The following PLPPR1 variants were observed in gnomAD, a reference collection of about 807,000 sequenced individuals.
PLPPR1 encodes the protein phospholipid phosphatase-related protein type 1.
A neutral mutation model predicts 33.1 loss-of-function variants in PLPPR1; 10 were observed. That is an observed-to-expected ratio of 0.30 (90% confidence interval 0.19 to 0.51). The LOEUF (loss-of-function observed/expected upper bound fraction) is 0.51, where lower values mean the gene tolerates loss of function less well. Among genes scored for constraint, PLPPR1 ranks in the 20% least tolerant of loss-of-function variants. The pLI is 0.97. For synonymous variants in PLPPR1, 151 were observed against 151.0 expected, an observed-to-expected ratio of 1.00 and a Z score of 0.00; for missense variants, 304 against 408.1, an observed-to-expected ratio of 0.74 and a Z score of 2.20.
intron 1 of PLPPR1, among the ~76,000 whole-genome samples, chr9:101,057,873 A>G (rs1830296515): frequency 6.6e-6 from 1 of 152,186 alleles, no homozygotes; most frequent in Non-Finnish European, 1.5e-5. Flanking sequence ...ACCTGAGAAG[A>G]CAATGGGCTA....
chr9:101,264,631 C>T (rs760417377), intron 2 of PLPPR1, among the ~76,000 whole-genome samples: 6 of 152,204 alleles, frequency 3.9e-5, no homozygotes, highest in Non-Finnish European at 8.8e-5. Context: ...AGCACTTAGA[C>T]TGAGTTCAGA....
intron 3 of PLPPR1, among the ~76,000 whole-genome samples, chr9:101,274,452 T>C (rs1329074945): frequency 6.6e-6 from 1 of 152,190 alleles, no homozygotes; most frequent in Non-Finnish European, 1.5e-5. Context: ...TGAGGGGCAT[T>C]GGTAGGAACC....
intron 1 of PLPPR1, among the ~76,000 whole-genome samples, chr9:101,036,771 G>A (rs2118407987): frequency 1.4e-5 from 2 of 147,570 alleles, no homozygotes; most frequent in East Asian, 4.0e-4. Flanking sequence ...AGGATAAAAA[G>A]AAATAGATGA....
At chr9:101,276,314 T>A (rs1242941902) in intron 3 of PLPPR1, among the ~76,000 whole-genome samples, 1 of 152,252 alleles carries the variant, frequency 6.6e-6, no homozygotes, top group Non-Finnish European at 1.5e-5. Flanking sequence ...TTTCTAGATA[T>A]GCCCATTAAT....
intron 2 of PLPPR1, among the ~76,000 whole-genome samples, chr9:101,269,542 T>G (rs983128491): frequency 6.6e-6 from 1 of 152,246 alleles, no homozygotes; most frequent in African/African-American, 2.4e-5. Context: ...TTTTGACTTT[T>G]CACCTCTGTC....
chr9:101,222,331 CAT>C (rs1826960871), intron 2 of PLPPR1, among the ~76,000 whole-genome samples: 2 of 152,160 alleles, frequency 1.3e-5, no homozygotes, highest in African/African-American at 4.8e-5. Context: ...ATTTTTCCAT[CAT>C]ATGTCTCAGA....
intron 2 of PLPPR1, among the ~76,000 whole-genome samples, chr9:101,246,019 C>T (rs911095065): frequency 1.1e-4 from 15 of 141,048 alleles, no homozygotes; most frequent in Non-Finnish European, 2.1e-4. Flanking sequence ...GGCTACTTGA[C>T]CATAATCTCC....
At chr9:101,180,602 A>G (rs1347433784) in intron 1 of PLPPR1, among the ~76,000 whole-genome samples, 1 of 151,808 alleles carries the variant, frequency 6.6e-6, no homozygotes, top group African/African-American at 2.4e-5. Flanking sequence ...TGGTCAATTG[A>G]TTTTCAACAG....
At chr9:101,072,397 A>C (rs1303857132) in intron 1 of PLPPR1, among the ~76,000 whole-genome samples, 1 of 152,124 alleles carries the variant, frequency 6.6e-6, no homozygotes, top group Non-Finnish European at 1.5e-5. Context: ...AAGAGCATAT[A>C]ACACTTCTGC....
At chr9:101,100,221 GATTTAAA>G (rs1377657272) in intron 1 of PLPPR1, among the ~76,000 whole-genome samples, 1 of 152,012 alleles carries the variant, frequency 6.6e-6, no homozygotes, top group African/African-American at 2.4e-5. Context: ...AAAAAGGTCT[GATTTAAA>G]GAATGTCACA....
chr9:101,256,551 G>A (rs925331732), intron 2 of PLPPR1, among the ~76,000 whole-genome samples: 1 of 152,114 alleles, frequency 6.6e-6, no homozygotes, highest in Non-Finnish European at 1.5e-5. Flanking sequence ...GATCCAAAAG[G>A]GATCTCCGTA....
At chr9:101,140,374 G>A (rs1831434428) in intron 1 of PLPPR1, among the ~76,000 whole-genome samples, 1 of 151,816 alleles carries the variant, frequency 6.6e-6, no homozygotes, top group Admixed American at 6.6e-5. Flanking sequence ...GAGCAGAAAA[G>A]TTGTAGGTAT....
At position 101,089,618 on chromosome 9, in the gene PLPPR1, T is replaced by TA. The variant is rs2118529052; in HGVS notation, c.-46+60520dup. Among the ~76,000 whole-genome samples, 3 of 152,330 alleles carry TA rather than the reference T, an allele frequency of 2.0e-5. No individual in the cohort carries two copies. In the South Asian group the frequency reaches 6.2e-4, roughly 32 times the overall value. ...TTTGTTCATATCATTAGTTTTCTTCTAAAATGGTATTTTAATAGTGTTTAA... is the reference window on the plus strand; with the variant it reads ...TTTGTTCATATCATTAGTTTTCTTCTAAAAATGGTATTTTAATAGTGTTTAA... On this transcript the variant is annotated intron_variant, in intron 1 of 7. Transcript: ENST00000374874.
chr9:101,267,541 C>A (rs1357853731), intron 2 of PLPPR1, among the ~76,000 whole-genome samples: 1 of 152,068 alleles, frequency 6.6e-6, no homozygotes, highest in African/African-American at 2.4e-5. Flanking sequence ...TCTCTGGGAG[C>A]AGAAAACGCT....
chr9:101,131,235 G>A (rs185587989), intron 1 of PLPPR1, among the ~76,000 whole-genome samples: 3 of 152,130 alleles, frequency 2.0e-5, no homozygotes, highest in East Asian at 1.9e-4. Context: ...ATGGGTATGC[G>A]TGAATGCAGG....
intron 1 of PLPPR1, among the ~76,000 whole-genome samples, chr9:101,031,830 G>A (rs1314726573): frequency 6.6e-6 from 1 of 152,118 alleles, no homozygotes; most frequent in Non-Finnish European, 1.5e-5. Flanking sequence ...GATAAATTAG[G>A]GTGGCAATAA....
At chr9:101,053,722 G>A (rs562695876) in intron 1 of PLPPR1, among the ~76,000 whole-genome samples, 1 of 152,334 alleles carries the variant, frequency 6.6e-6, no homozygotes, top group Non-Finnish European at 1.5e-5. Context: ...CTGCAGTAAA[G>A]GATCTGGAAG....
chr9:101,169,351 A>AT (rs5899434), intron 1 of PLPPR1, among the ~76,000 whole-genome samples: 23 of 152,048 alleles, frequency 1.5e-4, no homozygotes, highest in African/African-American at 4.3e-4. Context: ...TTTTGTGGCC[A>AT]TTTTTTTTTC....
At chr9:101,062,883 T>C (rs1830363945) in intron 1 of PLPPR1, among the ~76,000 whole-genome samples, 1 of 152,036 alleles carries the variant, frequency 6.6e-6, no homozygotes, top group Non-Finnish European at 1.5e-5. Context: ...TCCACCAGAT[T>C]TGTGTAATCC....
Sources: allele counts gnomAD v4.1 joint callset (sites outside exome capture counted in the v4.1 genomes callset), GRCh38; gene constraint gnomAD v4.1.1; transcripts MANE v1.5; gene names NCBI Gene and HGNC (gene_info 2026-07-23, HGNC 2026-07-21).